ASTN2: variants seen among roughly 807,000 people sequenced by gnomAD.
The protein encoded by ASTN2 is astrotactin-2.
A neutral mutation model predicts 139.8 loss-of-function variants in ASTN2; 54 were observed. The observed-to-expected ratio is 0.39, with a 90% CI of 0.31 to 0.48. The LOEUF is 0.48. ASTN2 is among the 20% of genes least tolerant of loss of function. The pLI is 0.95. For synonymous variants in ASTN2, 756 were observed against 719.5 expected, an observed-to-expected ratio of 1.05 and a Z score of -0.81; for missense variants, 1,565 against 1,725.1, an observed-to-expected ratio of 0.91 and a Z score of 1.64.
intron 7 of ASTN2, among the ~76,000 whole-genome samples, chr9:116,986,940 T>C (rs949903091): frequency 2.6e-5 from 4 of 152,232 alleles, no homozygotes; most frequent in African/African-American, 7.2e-5. Context: ...TGGGGAATAC[T>C]GCAGGCACAG....
intron 19 of ASTN2, among the ~76,000 whole-genome samples, chr9:116,559,256 G>A (rs1020644560): frequency 3.3e-5 from 5 of 152,080 alleles, no homozygotes; most frequent in East Asian, 3.9e-4. Context: ...ACCTTATTCC[G>A]TCCCACAAAC....
chr9:116,663,500 AT>A (rs1359661202), intron 16 of ASTN2, among the ~76,000 whole-genome samples: 1 of 152,148 alleles, frequency 6.6e-6, no homozygotes. Context: ...AAAAATACTC[AT>A]GTTAAAAGAC....
chr9:117,062,608 T>C (rs1044085829), intron 5 of ASTN2, among the ~76,000 whole-genome samples: 2 of 152,160 alleles, frequency 1.3e-5, no homozygotes, highest in Non-Finnish European at 2.9e-5. Flanking sequence ...ATCCATGCAT[T>C]CAATACAATC....
intron 19 of ASTN2, among the ~76,000 whole-genome samples, chr9:116,524,547 G>C (rs1409331474): frequency 6.6e-6 from 1 of 152,134 alleles, no homozygotes; most frequent in Non-Finnish European, 1.5e-5. Context: ...CAGCTTTCCT[G>C]CTCTGAGTTG....
intron 16 of ASTN2, chr9:116,697,900 C>T: frequency 6.2e-7 from 1 of 1,614,202 alleles, no homozygotes; most frequent in South Asian, 1.1e-5. Flanking sequence ...AAGCTATTGG[C>T]CAGTAGCATC....
intron 19 of ASTN2, among the ~76,000 whole-genome samples, chr9:116,514,671 C>T (rs994356640): frequency 2.6e-5 from 4 of 152,178 alleles, no homozygotes; most frequent in Non-Finnish European, 5.9e-5. Context: ...AGCTTCCCAG[C>T]CGCTTTGTTT....
intron 11 of ASTN2, among the ~76,000 whole-genome samples, chr9:116,842,009 C>A (rs1030646039): frequency 1.3e-5 from 2 of 152,170 alleles, no homozygotes; most frequent in Non-Finnish European, 2.9e-5. Context: ...CACTGAAGGC[C>A]CCCTGACTAT....
At chr9:117,239,813 A>G (rs1279164188) in intron 2 of ASTN2, among the ~76,000 whole-genome samples, 2 of 152,216 alleles carry the variant, frequency 1.3e-5, no homozygotes, top group East Asian at 1.9e-4. Context: ...ATGCAAGTGA[A>G]TGCAAAAAGA....
At chr9:116,584,943 T>G (rs1854088873) in intron 19 of ASTN2, 1 of 152,166 alleles carries the variant, frequency 6.6e-6, no homozygotes, top group South Asian at 2.1e-4. Context: ...AGACAAAGAA[T>G]GGAGTATGCC....
chr9:117,182,443 C>A (rs1405732706), intron 3 of ASTN2, among the ~76,000 whole-genome samples: 2 of 151,930 alleles, frequency 1.3e-5, no homozygotes, highest in African/African-American at 4.8e-5. Context: ...CAAGGATGAC[C>A]CAGGAGACAC....
At chr9:116,920,748 T>C (rs891105162) in intron 10 of ASTN2, among the ~76,000 whole-genome samples, 7 of 152,306 alleles carry the variant, frequency 4.6e-5, no homozygotes, top group Admixed American at 3.3e-4. Flanking sequence ...TGATGAATGA[T>C]GACTTGCTGA....
At position 116,445,286 on chromosome 9, in the gene ASTN2, T is replaced by C. The variant is rs115904425; in HGVS notation, c.3498-2733A>G. 2.2e-3 allele frequency among the ~76,000 whole-genome samples: 329 copies of C among 152,324 alleles called. 2 individuals carry two copies. Among genetic ancestry groups the C allele is most frequent in the African/African-American group, 7.6e-3 (315 of 41,576 alleles). ...TCTCAAGGATTACATGGAGTGATGC[T>C]GAGAAAGTGGCTTGTAAGAAGAGGA... On this transcript the variant is annotated intron_variant, in intron 20 of 22. Transcript: ENST00000313400.
At chr9:116,956,593 A>G (rs951252363) in intron 10 of ASTN2, among the ~76,000 whole-genome samples, 1 of 151,832 alleles carries the variant, frequency 6.6e-6, no homozygotes, top group Non-Finnish European at 1.5e-5. Flanking sequence ...AGAAAAATAA[A>G]CAAAAGACAT....
rs753819969 is a variant in ASTN2, at chr9:116,698,293, T to C, written c.2806+27478A>G. 2.5e-6 allele frequency: 4 copies of C among 1,614,046 alleles called. No individual in the cohort carries two copies. The highest frequency in any genetic ancestry group is 3.4e-6 in the Non-Finnish European group (4 of 1,180,040). On this transcript the variant is annotated intron_variant, in intron 16 of 22. Transcript: ENST00000313400. This position sits in a 1 kb window ranked among gnomAD's most constrained non-coding sequence, Gnocchi z 4.4. ...GACCTTCAGGCAAGGTATAAAGCAGTTCTCCAGGAGTATGGGCATGAGGAG... is the reference window on the plus strand; with the variant it reads ...GACCTTCAGGCAAGGTATAAAGCAGCTCTCCAGGAGTATGGGCATGAGGAG...
chr9:116,757,364 G>C (rs1829560003), intron 13 of ASTN2, among the ~76,000 whole-genome samples: 1 of 152,158 alleles, frequency 6.6e-6, no homozygotes. Flanking sequence ...AATTACCGAA[G>C]ACATGAGAAG....
chr9:117,398,300 C>T (rs1351735821), intron 1 of ASTN2, among the ~76,000 whole-genome samples: 1 of 152,182 alleles, frequency 6.6e-6, no homozygotes, highest in Non-Finnish European at 1.5e-5. Flanking sequence ...TAACCATCTC[C>T]TTTCCAATAT....
intron 5 of ASTN2, among the ~76,000 whole-genome samples, chr9:117,052,433 TTAAAA>T (rs1440853341): frequency 1.6e-5 from 2 of 125,238 alleles, no homozygotes; most frequent in Non-Finnish European, 3.3e-5. Context: ...AGACTCCATC[TTAAAA>T]AAAAAAAAAA....
intron 5 of ASTN2, among the ~76,000 whole-genome samples, chr9:117,073,067 T>G (rs1482182939): frequency 2.6e-5 from 4 of 151,652 alleles, no homozygotes; most frequent in Non-Finnish European, 5.9e-5. Context: ...ACAGAGAAAG[T>G]CAAAGATGAT....
At chr9:116,989,104 G>C (rs1431153400) in intron 7 of ASTN2, among the ~76,000 whole-genome samples, 3 of 151,996 alleles carry the variant, frequency 2.0e-5, no homozygotes, top group Non-Finnish European at 4.4e-5. Context: ...TTTGCAAAAG[G>C]GTTCTTCACT....
Sources: allele counts gnomAD v4.1 joint callset (sites outside exome capture counted in the v4.1 genomes callset), GRCh38; gene constraint gnomAD v4.1.1; non-coding constraint Gnocchi (gnomAD v3.1); transcripts MANE v1.5; gene names NCBI Gene and HGNC (gene_info 2026-07-23, HGNC 2026-07-21).